DTD1: variants seen among roughly 807,000 people sequenced by gnomAD.
The protein encoded by DTD1 is D-aminoacyl-tRNA deacylase 1, also known as D-tyrosyl-tRNA deacylase 1 homolog.
DTD1 carries 13 observed loss-of-function variants against 25.6 expected under a neutral mutation model. The observed-to-expected ratio is 0.51, with a 90% CI of 0.33 to 0.81. The LOEUF (loss-of-function observed/expected upper bound fraction) is 0.81. Ranked by LOEUF, DTD1 falls within the 30% of genes least tolerant of loss-of-function variation. DTD1 has a pLI of 0.02. For missense variants in DTD1, 193 were observed against 266.4 expected, an observed-to-expected ratio of 0.72 and a Z score of 1.92; for synonymous variants, 110 against 103.6, an observed-to-expected ratio of 1.06 and a Z score of -0.37.
chr20:18,741,029 G>A (rs2122516742), intron 4 of DTD1, among the ~76,000 whole-genome samples: 1 of 152,290 alleles, frequency 6.6e-6, no homozygotes, highest in Middle Eastern at 3.4e-3. Context: ...CTAGCTTTTT[G>A]TCATCTTTGC....
At chr20:18,638,588 T>C (rs1465843071) in intron 4 of DTD1, among the ~76,000 whole-genome samples, 1 of 152,070 alleles carries the variant, frequency 6.6e-6, no homozygotes, top group Non-Finnish European at 1.5e-5. Context: ...AAGGCCAGTG[T>C]GGCTGGAGCT....
intron 4 of DTD1, among the ~76,000 whole-genome samples, chr20:18,649,717 A>G (rs1441022216): frequency 1.3e-5 from 2 of 152,112 alleles, no homozygotes; most frequent in African/African-American, 2.4e-5. Flanking sequence ...TGTAGAAGTA[A>G]CACGCTTACT....
chr20:18,714,389 A>G (rs1390983281), intron 4 of DTD1, among the ~76,000 whole-genome samples: 1 of 152,142 alleles, frequency 6.6e-6, no homozygotes, highest in Non-Finnish European at 1.5e-5. Flanking sequence ...ATAAATCCCC[A>G]CATTCTGTGC....
intron 5 of DTD1, among the ~76,000 whole-genome samples, chr20:18,759,173 G>T (rs2061351188): frequency 6.6e-6 from 1 of 152,136 alleles, no homozygotes; most frequent in South Asian, 2.1e-4. Flanking sequence ...ACACTGATGG[G>T]TCTTGACTCT....
rs572765285 is a variant in DTD1 at position 18,588,227 on chromosome 20, G to A, written c.43+112G>A. On this transcript the variant is annotated intron_variant, in intron 1 of 5. Transcript: ENST00000377452. Reference sequence around the variant, plus strand: ...CTTGGGGCCGCTGCGGCCCCTCCGCGAGCCTGGTCCCCTTCGCGAGCTCGG... The same window carrying A: ...CTTGGGGCCGCTGCGGCCCCTCCGCAAGCCTGGTCCCCTTCGCGAGCTCGG... 9 of 1,031,108 alleles carry A rather than the reference G, an allele frequency of 8.7e-6. 1 individual carries two copies. In the Admixed American group the frequency reaches 3.1e-4, roughly 35 times the overall value. 63.9% of individuals were successfully genotyped at this position (1,031,108 alleles called of 1,614,324 possible). A position where few individuals can be genotyped will look rare whatever the true frequency, so the allele number is the denominator to read the frequency against.
At chr20:18,647,452 C>T (rs111618875) in intron 4 of DTD1, among the ~76,000 whole-genome samples, 1,859 of 152,126 alleles carry the variant, frequency 0.012, 32 homozygotes, top group African/African-American at 0.039. Context: ...GGGGCTTGGT[C>T]GTCAGAATAG....
chr20:18,670,176 G>T (rs2060946724), intron 4 of DTD1, among the ~76,000 whole-genome samples: 1 of 152,172 alleles, frequency 6.6e-6, no homozygotes, highest in South Asian at 2.1e-4. Flanking sequence ...AGTCATTTTG[G>T]CTGGGTGCGG....
At chr20:18,668,034 T>A (rs2122384210) in intron 4 of DTD1, among the ~76,000 whole-genome samples, 1 of 152,342 alleles carries the variant, frequency 6.6e-6, no homozygotes, top group East Asian at 1.9e-4. Flanking sequence ...AGGCTGCCAG[T>A]TCTTTTTCCA....
chr20:18,693,723 T>A (rs1218534868), intron 4 of DTD1, among the ~76,000 whole-genome samples: 1 of 152,034 alleles, frequency 6.6e-6, no homozygotes, highest in Non-Finnish European at 1.5e-5. Flanking sequence ...ATTTGTTTTC[T>A]CCCTTTGCTC....
chr20:18,753,951 T>C (rs926431272), intron 5 of DTD1, among the ~76,000 whole-genome samples: 10 of 152,156 alleles, frequency 6.6e-5, no homozygotes, highest in Non-Finnish European at 1.5e-4. Context: ...GAAGCCTGCA[T>C]TGATAACTTC....
At chr20:18,713,500 A>T (rs949659713) in intron 4 of DTD1, among the ~76,000 whole-genome samples, 5 of 152,112 alleles carry the variant, frequency 3.3e-5, no homozygotes, top group South Asian at 4.2e-4. Flanking sequence ...GGGTGTCTGC[A>T]TTGGTTGAGC....
chr20:18,701,296 T>C (rs753444283), intron 4 of DTD1, among the ~76,000 whole-genome samples: 11 of 152,196 alleles, frequency 7.2e-5, no homozygotes, highest in Non-Finnish European at 1.5e-4. Flanking sequence ...CTTGGTTTAA[T>C]GAACTCCTGA....
chr20:18,728,635 A>G (rs1356105444), intron 4 of DTD1, among the ~76,000 whole-genome samples: 1 of 152,098 alleles, frequency 6.6e-6, no homozygotes, highest in Non-Finnish European at 1.5e-5. Context: ...AAGTGGAATA[A>G]CCAAAGGGAT....
At chr20:18,708,984 G>A (rs928166609) in intron 4 of DTD1, among the ~76,000 whole-genome samples, 14 of 152,148 alleles carry the variant, frequency 9.2e-5, no homozygotes, top group Non-Finnish European at 1.5e-4. Context: ...CCACTTAATC[G>A]ATTGCCACTG....
At chr20:18,710,307 T>C (rs1568677650) in intron 4 of DTD1, among the ~76,000 whole-genome samples, 2 of 152,184 alleles carry the variant, frequency 1.3e-5, no homozygotes, top group African/African-American at 4.8e-5. Flanking sequence ...GATCATTTCA[T>C]AAAAAATGGA....
At chr20:18,688,888 G>C (rs376496665) in intron 4 of DTD1, among the ~76,000 whole-genome samples, 1 of 152,064 alleles carries the variant, frequency 6.6e-6, no homozygotes, top group African/African-American at 2.4e-5. Flanking sequence ...GTGGCCTGTG[G>C]GGGGTGGGGA....
chr20:18,595,642 G>A (rs191045649), intron 2 of DTD1, among the ~76,000 whole-genome samples: 26 of 152,280 alleles, frequency 1.7e-4, no homozygotes, highest in African/African-American at 5.1e-4. Flanking sequence ...TGATGAATTC[G>A]TTCATGAAAA....
intron 4 of DTD1, chr20:18,631,821 T>A (rs946525378): frequency 1.9e-5 from 19 of 984,790 alleles, no homozygotes; most frequent in Non-Finnish European, 2.0e-5. Context: ...AATTTTAGTC[T>A]TTTTTTCATT....
intron 4 of DTD1, chr20:18,674,886 C>G (rs1246201373): frequency 6.6e-6 from 1 of 152,330 alleles, no homozygotes; most frequent in Non-Finnish European, 1.5e-5. Context: ...TCACATTGGT[C>G]TTTAAGTCAG....
Sources: allele counts gnomAD v4.1 joint callset (sites outside exome capture counted in the v4.1 genomes callset), GRCh38; gene constraint gnomAD v4.1.1; transcripts MANE v1.5; gene names NCBI Gene and HGNC (gene_info 2026-07-23, HGNC 2026-07-21).